The following AHCTF1 variants were observed in gnomAD, a reference collection of about 807,000 sequenced individuals.
AHCTF1 encodes protein ELYS.
A neutral mutation model predicts 248.4 loss-of-function variants in AHCTF1; 24 were observed. The ratio of observed to expected loss-of-function variants is 0.10; its 90% CI spans 0.07 to 0.14. The LOEUF is 0.14. Among genes scored for constraint, AHCTF1 ranks in the 10% least tolerant of loss-of-function variants. The pLI is 1.00. For missense variants in AHCTF1, 2,206 were observed against 2,636.2 expected (o/e 0.84, Z 3.57); for synonymous variants, 786 against 929.8 (o/e 0.85, Z 2.81).
chr1:246,842,892 G>A, intron 34 of AHCTF1, 116 bp from the exon 35 acceptor site: 4 of 836,772 alleles, frequency 4.8e-6, no homozygotes, highest in Admixed American at 2.3e-5. Flanking sequence ...CTCGCCAAAT[G>A]CAAAATTGAC....
intron 15 of AHCTF1, among the ~76,000 whole-genome samples, 184 bp from the exon 16 acceptor site, chr1:246,891,244 C>A (rs2103139348): frequency 6.6e-6 from 1 of 152,032 alleles, no homozygotes; most frequent in Middle Eastern, 3.4e-3. Context: ...TACTTTGGTC[C>A]AAAATGATGT....
intron 33 of AHCTF1, among the ~76,000 whole-genome samples, chr1:246,844,815 T>C (rs1420519030): frequency 6.6e-6 from 1 of 152,042 alleles, no homozygotes; most frequent in African/African-American, 2.4e-5. Context: ...CTTTTTTTTT[T>C]TTTTTTAACT....
chr1:246,914,672 T>C (rs2103219278), intron 3 of AHCTF1, among the ~76,000 whole-genome samples: 1 of 152,240 alleles, frequency 6.6e-6, no homozygotes, highest in Non-Finnish European at 1.5e-5. Context: ...ACATAATGAG[T>C]GTATACTGCA....
chr1:246,848,221 T>C (rs1660430064), intron 33 of AHCTF1, among the ~76,000 whole-genome samples: 1 of 151,998 alleles, frequency 6.6e-6, no homozygotes, highest in Non-Finnish European at 1.5e-5. Context: ...CAACAAGTCA[T>C]CTACTTTATT....
chr1:246,908,254 T>C (rs1665534772), intron 4 of AHCTF1, among the ~76,000 whole-genome samples: 1 of 146,388 alleles, frequency 6.8e-6, no homozygotes, highest in Admixed American at 7.1e-5. Flanking sequence ...CAGGACATTT[T>C]GGGCATCAAA....
chr1:246,930,051 CAA>C (rs201449234), intron 1 of AHCTF1, among the ~76,000 whole-genome samples: 32,834 of 113,736 alleles, frequency 0.29, 4,124 homozygotes, highest in African/African-American at 0.41. Context: ...GACCCCGTCT[CAA>C]AAAAAAAAAA....
chr1:246,891,095 C>T, intron 15 of AHCTF1, 35 bp from the exon 16 acceptor site: 1 of 1,371,568 alleles, frequency 7.3e-7, no homozygotes, highest in East Asian at 2.6e-5. Flanking sequence ...TGTTTACTTA[C>T]AAAAAAATCA....
intron 6 of AHCTF1, among the ~76,000 whole-genome samples, chr1:246,904,641 T>C (rs937781628): frequency 3.3e-5 from 5 of 152,134 alleles, no homozygotes; most frequent in East Asian, 1.9e-4. Flanking sequence ...CCCTCGACCA[T>C]GAGAGGCCTA....
intron 1 of AHCTF1, among the ~76,000 whole-genome samples, chr1:246,926,973 G>C (rs2103257600): frequency 6.6e-6 from 1 of 151,728 alleles, no homozygotes; most frequent in East Asian, 2.0e-4. Context: ...AGGAGATCGA[G>C]ACCATCCTGG....
chr1:246,840,314 G>C lies in AHCTF1; in HGVS notation c.*492C>G, dbSNP rs1256164869. Reference sequence around the variant, plus strand: ...ATGCCCATAATTCAATTTTAACATAGTAACAGCCAAAAACAAAAAAATACA... The same window carrying C: ...ATGCCCATAATTCAATTTTAACATACTAACAGCCAAAAACAAAAAAATACA... On this transcript the variant is annotated 3_prime_UTR_variant, in exon 36 of 36. Coordinates refer to ENST00000648844, the MANE Select transcript of AHCTF1 (RefSeq NM_001323342.2). The C allele has an allele frequency of 6.6e-6, 1 of 152,584 alleles. No homozygotes were observed. Among genetic ancestry groups the C allele is most frequent in the African/African-American group, 2.4e-5 (1 of 41,422 alleles). The allele number at this position is 152,584 out of a possible 1,614,324, so 9.5% of individuals were successfully genotyped here.
intron 1 of AHCTF1, among the ~76,000 whole-genome samples, chr1:246,930,902 C>T (rs1047957825): frequency 1.3e-5 from 2 of 152,140 alleles, no homozygotes; most frequent in Non-Finnish European, 2.9e-5. Flanking sequence ...GTATGAACCT[C>T]GTAAGCTTTG....
intron 1 of AHCTF1, chr1:246,931,125 T>C (rs1012570768): frequency 6.5e-7 from 1 of 1,549,144 alleles, no homozygotes; most frequent in African/African-American, 1.4e-5. Flanking sequence ...CCAGGACTAC[T>C]CACTGTGGCC....
chr1:246,885,112 TTGTA>T (rs1044678313), intron 21 of AHCTF1, among the ~76,000 whole-genome samples: 4 of 152,226 alleles, frequency 2.6e-5, no homozygotes, highest in Non-Finnish European at 5.9e-5. Flanking sequence ...ATAAAAGGTG[TTGTA>T]TGTTTTTCTT....
At chr1:246,887,134 T>C in intron 20 of AHCTF1, 77 bp downstream of exon 20, 1 of 1,483,566 alleles carries the variant, frequency 6.7e-7, no homozygotes, top group Non-Finnish European at 9.1e-7. Flanking sequence ...TATCTTTTAA[T>C]ACCAAATTTA....
Position 246,849,661 on chromosome 1 carries a change from A to G in AHCTF1, c.6345T>C (p.Asn2115=). The change falls in exon 33 of 36, where the codon AAT becomes AAC. Residue 2115 remains asparagine, a synonymous_variant. Coordinates refer to ENST00000648844, the MANE Select transcript of AHCTF1 (RefSeq NM_001323342.2). The part of the protein sequence containing the change: ...ILLPDLSEPN[N]EPLFSPASEV... ...CTGACGCTGGAGAAAATAAAGGCTC[A>G]TTGTTTGGTTCAGAAAGGTCCGGCA... The G allele has an allele frequency of 6.2e-7, 1 of 1,613,726 alleles. No individual in the cohort carries two copies. Among genetic ancestry groups the G allele is most frequent in the Non-Finnish European group, 8.5e-7 (1 of 1,179,730 alleles).
chr1:246,922,604 T>C (rs1476021951), intron 1 of AHCTF1, among the ~76,000 whole-genome samples: 2 of 151,458 alleles, frequency 1.3e-5, no homozygotes, highest in Non-Finnish European at 2.9e-5. Context: ...ATGTTGCCCA[T>C]GATGGTCTTG....
intron 4 of AHCTF1, 120 bp downstream of exon 4, chr1:246,913,112 A>G (rs1337105406): frequency 4.2e-6 from 3 of 717,092 alleles, no homozygotes; most frequent in Non-Finnish European, 6.4e-6. Flanking sequence ...TTTTTTTTAT[A>G]GATAGGAAGA....
intron 21 of AHCTF1, among the ~76,000 whole-genome samples, chr1:246,880,092 T>C (rs1663284344): frequency 1.3e-5 from 2 of 152,032 alleles, no homozygotes; most frequent in Non-Finnish European, 2.9e-5. Context: ...TTAGGAAGAA[T>C]ACACTAGAAG....
intron 24 of AHCTF1, among the ~76,000 whole-genome samples, chr1:246,868,990 GCC>G (rs1200449483): frequency 2.0e-5 from 3 of 149,342 alleles, no homozygotes; most frequent in Non-Finnish European, 3.0e-5. Context: ...GACTACAGGC[GCC>G]CGCCACCATG....
Sources: allele counts gnomAD v4.1 joint callset (sites outside exome capture counted in the v4.1 genomes callset), GRCh38; gene constraint gnomAD v4.1.1; transcripts MANE v1.5; gene names NCBI Gene and HGNC (gene_info 2026-07-23, HGNC 2026-07-21).